CHRM3: variants seen among roughly 807,000 people sequenced by gnomAD.
The protein encoded by CHRM3 is cholinergic receptor muscarinic 3.
Under a neutral mutation model 41.8 loss-of-function variants are expected in CHRM3, and 11 were observed. The ratio of observed to expected loss-of-function variants is 0.26; its 90% CI spans 0.17 to 0.44. CHRM3 has a LOEUF of 0.44. Ranked by LOEUF, CHRM3 falls within the 20% of genes least tolerant of loss-of-function variation. The probability of loss-of-function intolerance (pLI) is 1.00; values close to 1 mark genes in which losing one functional copy is unlikely to be tolerated. For synonymous variants in CHRM3, 297 were observed against 301.4 expected (o/e 0.99, Z 0.15); for missense variants, 571 against 745.4 (o/e 0.77, Z 2.72).
chr1:239,763,133 G>C (rs955989395), intron 5 of CHRM3, among the ~76,000 whole-genome samples: 2 of 152,036 alleles, frequency 1.3e-5, no homozygotes, highest in African/African-American at 2.4e-5. Flanking sequence ...TTTTCTGGAA[G>C]AACAAGGTGC....
intron 4 of CHRM3, among the ~76,000 whole-genome samples, chr1:239,659,531 C>A (rs966547409): frequency 1.3e-5 from 2 of 152,180 alleles, no homozygotes; most frequent in African/African-American, 2.4e-5. Context: ...ACAAGTCTGT[C>A]CAAGTAGCCA....
At chr1:239,529,934 G>A (rs1184165048) in intron 2 of CHRM3, among the ~76,000 whole-genome samples, 1 of 151,814 alleles carries the variant, frequency 6.6e-6, no homozygotes, top group Non-Finnish European at 1.5e-5. Flanking sequence ...GTCTCGCTCT[G>A]TCGCCCAGGC....
chr1:239,876,034 G>A (rs923263171), intron 6 of CHRM3, among the ~76,000 whole-genome samples: 3 of 152,138 alleles, frequency 2.0e-5, no homozygotes, highest in Admixed American at 1.3e-4. Flanking sequence ...CAAAAAAGCT[G>A]ATTGCCATAC....
chr1:239,688,033 C>A (rs978917556), intron 5 of CHRM3, among the ~76,000 whole-genome samples: 11 of 151,944 alleles, frequency 7.2e-5, no homozygotes, highest in African/African-American at 2.4e-4. Flanking sequence ...AATACTGATG[C>A]TTCACATTAA....
intron 5 of CHRM3, among the ~76,000 whole-genome samples, chr1:239,816,356 T>G (rs1326977887): frequency 6.6e-6 from 1 of 152,236 alleles, no homozygotes; most frequent in Non-Finnish European, 1.5e-5. Flanking sequence ...TGTTCCTTTT[T>G]TTAAATCTAC....
intron 5 of CHRM3, among the ~76,000 whole-genome samples, chr1:239,771,146 T>C (rs1308176986): frequency 6.6e-6 from 1 of 151,990 alleles, no homozygotes; most frequent in Non-Finnish European, 1.5e-5. Context: ...ACATTTCAGA[T>C]GATGCTGATT....
chr1:239,438,790 G>A (rs1009082265), intron 1 of CHRM3, among the ~76,000 whole-genome samples: 3 of 152,042 alleles, frequency 2.0e-5, no homozygotes, highest in Non-Finnish European at 4.4e-5. Flanking sequence ...TTCTTTTTCA[G>A]TATATACTAT....
Position 239,693,751 on chromosome 1 carries a change from G to T in CHRM3, c.-147+15463G>T, listed in dbSNP as rs138166305. Among the ~76,000 whole-genome samples, 688 of 152,278 alleles carry T rather than the reference G, an allele frequency of 4.5e-3. 8 individuals are homozygous for T. The highest frequency in any genetic ancestry group is 0.016 in the African/African-American group (662 of 41,570). On this transcript the variant is annotated intron_variant, in intron 5 of 6. Coordinates refer to ENST00000676153, the MANE Select transcript of CHRM3 (RefSeq NM_001375978.1). ...GCTGAGGTCAGCCCATAGTTTGACC[G>T]TGTCTTATTAGAGTGAAAAGACACT...
chr1:239,852,824 A>G (rs1202802466), intron 6 of CHRM3, among the ~76,000 whole-genome samples: 1 of 152,180 alleles, frequency 6.6e-6, no homozygotes, highest in East Asian at 1.9e-4. Flanking sequence ...AGAAGTTTAC[A>G]CTTAATAGTA....
At position 239,909,665 on chromosome 1, in the gene CHRM3, G is replaced by A. The variant is rs1399103481; in HGVS notation, c.*441G>A. 2.3e-5 allele frequency: 4 copies of A among 170,832 alleles called. No individual in the cohort carries two copies. The highest frequency in any genetic ancestry group is 2.8e-5 in the Non-Finnish European group (2 of 70,808). 10.6% of individuals were successfully genotyped at this position (170,832 alleles called of 1,614,324 possible). On this transcript the variant is annotated 3_prime_UTR_variant, in exon 7 of 7. Coordinates refer to ENST00000676153, the MANE Select transcript of CHRM3 (RefSeq NM_001375978.1). Reference sequence around the variant, plus strand: ...CCCAAGTGGAACACTGCAGGCTTACGAATCTGTGGTTCCAAAATTATTTCA... The same window carrying A: ...CCCAAGTGGAACACTGCAGGCTTACAAATCTGTGGTTCCAAAATTATTTCA...
chr1:239,860,280 T>C (rs867708091), intron 6 of CHRM3, among the ~76,000 whole-genome samples: 21 of 152,282 alleles, frequency 1.4e-4, no homozygotes, highest in African/African-American at 5.1e-4. Context: ...CATAATAATC[T>C]TTATGAAAAT....
intron 3 of CHRM3, among the ~76,000 whole-genome samples, chr1:239,561,651 A>C (rs2148491800): frequency 6.6e-6 from 1 of 151,976 alleles, no homozygotes; most frequent in African/African-American, 2.4e-5. Context: ...TATAACAGAT[A>C]ATCAAAAGAT....
intron 3 of CHRM3, among the ~76,000 whole-genome samples, chr1:239,550,450 C>T (rs966839787): frequency 6.6e-6 from 1 of 152,062 alleles, no homozygotes; most frequent in Non-Finnish European, 1.5e-5. Flanking sequence ...CAGAACTCAA[C>T]CAATAGTTAC....
chr1:239,398,935 G>A (rs1341456616), intron 1 of CHRM3, among the ~76,000 whole-genome samples: 1 of 151,988 alleles, frequency 6.6e-6, no homozygotes, highest in African/African-American at 2.4e-5. Flanking sequence ...ACAAAAAAAT[G>A]CCCATATATT....
chr1:239,638,472 T>G (rs372697561), intron 4 of CHRM3, among the ~76,000 whole-genome samples: 217 of 152,168 alleles, frequency 1.4e-3, no homozygotes, highest in African/African-American at 4.6e-3. Flanking sequence ...GTGTGAGATG[T>G]TATCTCATTG....
intron 5 of CHRM3, among the ~76,000 whole-genome samples, chr1:239,813,745 G>A (rs1472719403): frequency 3.3e-5 from 4 of 121,286 alleles, no homozygotes; most frequent in Non-Finnish European, 5.0e-5. Flanking sequence ...GTGAAACCCC[G>A]TCTCTACTAA....
intron 5 of CHRM3, among the ~76,000 whole-genome samples, chr1:239,708,552 T>A (rs1661415583): frequency 6.6e-6 from 1 of 152,064 alleles, no homozygotes; most frequent in Non-Finnish European, 1.5e-5. Flanking sequence ...CCCCTGGGAC[T>A]CTCTAAACCC....
intron 2 of CHRM3, among the ~76,000 whole-genome samples, chr1:239,506,441 C>T (rs1404668466): frequency 6.6e-6 from 1 of 152,170 alleles, no homozygotes; most frequent in Non-Finnish European, 1.5e-5. Context: ...TAAGTCTTGA[C>T]AGCTTCCACG....
intron 1 of CHRM3, among the ~76,000 whole-genome samples, chr1:239,403,976 G>GGAGAGAGAGAGAGA (rs531556599): frequency 0.076 from 3,538 of 46,466 alleles, 579 homozygotes; most frequent in Non-Finnish European, 0.1. Context: ...AGAGGGAGGG[G>GGAGAGAGAGAGAGA]GAGAGAGAGA....
Sources: allele counts gnomAD v4.1 joint callset (sites outside exome capture counted in the v4.1 genomes callset), GRCh38; gene constraint gnomAD v4.1.1; transcripts MANE v1.5; gene names NCBI Gene and HGNC (gene_info 2026-07-23, HGNC 2026-07-21).